MLLT3: variants seen among roughly 807,000 people sequenced by gnomAD.
MLLT3 encodes MLLT3 super elongation complex subunit, also known as protein AF-9.
MLLT3 carries 4 observed loss-of-function variants against 53.2 expected under a neutral mutation model. That is an observed-to-expected ratio of 0.08 (90% CI 0.04 to 0.17). The LOEUF is 0.17. MLLT3 is among the 10% of genes least tolerant of loss of function. The pLI is 1.00. For missense variants in MLLT3, 569 were observed against 684.0 expected (o/e 0.83, Z 1.87); for synonymous variants, 283 against 230.6 (o/e 1.23, Z -2.06).
chr9:20,576,263 ATCT>A (rs1253459157), intron 2 of MLLT3, among the ~76,000 whole-genome samples: 2 of 152,142 alleles, frequency 1.3e-5, no homozygotes, highest in East Asian at 3.9e-4. Context: ...GGCTGGTTTG[ATCT>A]TCTATCCAGA....
At chr9:20,551,121 T>G (rs1818916619) in intron 2 of MLLT3, among the ~76,000 whole-genome samples, 1 of 152,126 alleles carries the variant, frequency 6.6e-6, no homozygotes, top group Non-Finnish European at 1.5e-5. Flanking sequence ...ATCGTGAAAA[T>G]CAAGTAGGTC....
chr9:20,534,645 G>C (rs776669326), intron 2 of MLLT3, among the ~76,000 whole-genome samples: 1 of 152,174 alleles, frequency 6.6e-6, no homozygotes, highest in Non-Finnish European at 1.5e-5. Flanking sequence ...TCCCAACTTT[G>C]GGACGCCAAG....
chr9:20,364,030 G>C (rs915502541), intron 6 of MLLT3, among the ~76,000 whole-genome samples: 3 of 152,146 alleles, frequency 2.0e-5, no homozygotes, highest in Non-Finnish European at 2.9e-5. Flanking sequence ...GATCCATTAA[G>C]GTTTAGCTGT....
At position 20,448,315 on chromosome 9, in the gene MLLT3, T is replaced by C. The variant is rs1323568062; in HGVS notation, c.277-49A>G. 3 of 1,583,544 alleles carry C rather than the reference T, an allele frequency of 1.9e-6. No homozygotes were observed. The highest frequency in any genetic ancestry group is 2.6e-6 in the Non-Finnish European group (3 of 1,164,980). On this transcript the variant is annotated intron_variant, in intron 3 of 10. Transcript: ENST00000380338. This position sits in a 1 kb window ranked among gnomAD's most constrained non-coding sequence, Gnocchi z 4.0. ...AAGAAAAAAGAGAGTGAGGCATAAG[T>C]GAAATTTTAAAAGCAAAAATTTACT...
intron 2 of MLLT3, among the ~76,000 whole-genome samples, chr9:20,507,137 T>C (rs926115512): frequency 1.3e-5 from 2 of 152,224 alleles, no homozygotes; most frequent in Admixed American, 6.5e-5. Context: ...AAGAGAACTG[T>C]TTCTTAAAAC....
chr9:20,363,715 A>C, intron 6 of MLLT3, 110 bp from the exon 7 acceptor site: 2 of 980,082 alleles, frequency 2.0e-6, no homozygotes, highest in Non-Finnish European at 2.8e-6. Context: ...AAAAATAATC[A>C]TCATATATAT....
intron 2 of MLLT3, among the ~76,000 whole-genome samples, chr9:20,471,115 A>T (rs1207896535): frequency 6.6e-6 from 1 of 152,016 alleles, no homozygotes; most frequent in Non-Finnish European, 1.5e-5. Context: ...CAACTTAAGC[A>T]ATTTACTCAG....
rs868347023 is a variant in MLLT3 at position 20,545,123 on chromosome 9, A to G, written c.193+75531T>C. On this transcript the variant is annotated intron_variant, in intron 2 of 10. Coordinates refer to ENST00000380338, the MANE Select transcript of MLLT3 (RefSeq NM_004529.4). Reference sequence around the variant, plus strand: ...AAAAAAAAAAAAAAAAAAAAAAAAAAGCAGCAGCAGCATTATTGACAATAG... The same window carrying G: ...AAAAAAAAAAAAAAAAAAAAAAAAAGGCAGCAGCAGCATTATTGACAATAG... Among the ~76,000 whole-genome samples the G allele has an allele frequency of 1.9e-3, 277 of 146,544 alleles. 1 individual carries two copies. The highest frequency in any genetic ancestry group is 6.4e-3 in the African/African-American group (250 of 39,284).
chr9:20,426,486 C>A (rs370209688), intron 4 of MLLT3, among the ~76,000 whole-genome samples: 2 of 152,156 alleles, frequency 1.3e-5, no homozygotes, highest in African/African-American at 2.4e-5. Context: ...CAGTACCTGA[C>A]ACACACAAAT....
intron 10 of MLLT3, among the ~76,000 whole-genome samples, chr9:20,351,677 C>G (rs571647707): frequency 6.6e-6 from 1 of 152,266 alleles, no homozygotes; most frequent in East Asian, 1.9e-4. Flanking sequence ...AGGAAAGGAC[C>G]TAGATGTGAT....
At chr9:20,619,547 T>C (rs1820934149) in intron 2 of MLLT3, among the ~76,000 whole-genome samples, 1 of 152,310 alleles carries the variant, frequency 6.6e-6, no homozygotes, top group African/African-American at 2.4e-5. Flanking sequence ...GAGTTCTAGA[T>C]GCCAATAAAG....
At chr9:20,423,525 G>C (rs969190145) in intron 4 of MLLT3, among the ~76,000 whole-genome samples, 1 of 151,894 alleles carries the variant, frequency 6.6e-6, no homozygotes, top group African/African-American at 2.4e-5. Context: ...AGAATATTCA[G>C]GAAAAGGCCA....
rs1029004462 is a variant in MLLT3, at chr9:20,346,333, C to T, written c.*110G>A. 3 of 1,089,940 alleles carry T rather than the reference C, an allele frequency of 2.8e-6. No individual in the cohort carries two copies. The highest frequency in any genetic ancestry group is 3.7e-6 in the Non-Finnish European group (3 of 801,986). The allele number at this position is 1,089,940 out of a possible 1,614,324, so 67.5% of individuals were successfully genotyped here. A position where few individuals can be genotyped will look rare whatever the true frequency, so the allele number is the denominator to read the frequency against. On this transcript the variant is annotated 3_prime_UTR_variant, in exon 11 of 11. Coordinates refer to ENST00000380338, the MANE Select transcript of MLLT3 (RefSeq NM_004529.4). ...TTTATTTTTTCCCTTTTGGTTGCAT[C>T]ATTTTGAGTGTTTTCATATAAACAA...
At chr9:20,523,588 T>C (rs1315473804) in intron 2 of MLLT3, among the ~76,000 whole-genome samples, 2 of 152,214 alleles carry the variant, frequency 1.3e-5, no homozygotes, top group East Asian at 3.8e-4. Flanking sequence ...TGCATTTTAC[T>C]AAATGAAAGA....
chr9:20,599,921 G>A (rs1345021209), intron 2 of MLLT3, among the ~76,000 whole-genome samples: 2 of 152,020 alleles, frequency 1.3e-5, no homozygotes, highest in Non-Finnish European at 2.9e-5. Context: ...AAATTGCTTA[G>A]CTTTCTTCTT....
intron 10 of MLLT3, among the ~76,000 whole-genome samples, chr9:20,350,569 T>TCA (rs1820994131): frequency 7.7e-6 from 1 of 129,866 alleles, no homozygotes; most frequent in South Asian, 2.4e-4. Flanking sequence ...CACTCCAGCC[T>TCA]GGGCGACAGA....
At chr9:20,472,489 C>G (rs528870241) in intron 2 of MLLT3, among the ~76,000 whole-genome samples, 10 of 152,146 alleles carry the variant, frequency 6.6e-5, no homozygotes, top group Non-Finnish European at 1.5e-4. Flanking sequence ...CATTTTAGAT[C>G]CCAGTTAAGA....
chr9:20,605,504 G>T (rs1486793916), intron 2 of MLLT3, among the ~76,000 whole-genome samples: 3 of 152,012 alleles, frequency 2.0e-5, no homozygotes, highest in Non-Finnish European at 4.4e-5. Context: ...GTTCATACTA[G>T]AAAGAAGCTC....
At chr9:20,376,102 C>A (rs1821758222) in intron 5 of MLLT3, among the ~76,000 whole-genome samples, 1 of 152,108 alleles carries the variant, frequency 6.6e-6, no homozygotes, top group Non-Finnish European at 1.5e-5. Context: ...GAAAAAAATA[C>A]CATTTAATGC....
Sources: allele counts gnomAD v4.1 joint callset (sites outside exome capture counted in the v4.1 genomes callset), GRCh38; gene constraint gnomAD v4.1.1; non-coding constraint Gnocchi (gnomAD v3.1); transcripts MANE v1.5; gene names NCBI Gene and HGNC (gene_info 2026-07-23, HGNC 2026-07-21).